The following DVL3 variants were observed in gnomAD, a reference collection of about 807,000 sequenced individuals.
The protein encoded by DVL3 is dishevelled segment polarity protein 3.
A neutral mutation model predicts 67.4 loss-of-function variants in DVL3; 27 were observed. That is an observed-to-expected ratio of 0.40 (90% CI 0.30 to 0.55). DVL3 has a LOEUF of 0.55. Ranked by LOEUF, DVL3 falls within the 20% of genes least tolerant of loss-of-function variation. The pLI, the probability that DVL3 is intolerant of heterozygous loss-of-function variation, is 0.46. For synonymous variants in DVL3, 369 were observed against 396.8 expected (o/e 0.93, Z 0.83); for missense variants, 819 against 1,021.5 (o/e 0.80, Z 2.70).
At chr3:184,161,684 T>C (rs1429544612) in intron 1 of DVL3, among the ~76,000 whole-genome samples, 1 of 152,176 alleles carries the variant, frequency 6.6e-6, no homozygotes, top group Non-Finnish European at 1.5e-5. Flanking sequence ...CGTGACCACA[T>C]TCCACACCCT....
In DVL3 at chr3:184,170,006, A is replaced by T; in HGVS notation, c.1499A>T (p.Asn500Ile). 6.2e-7 allele frequency: 1 copy of T among 1,601,420 alleles called. No individual in the cohort carries two copies. The highest frequency in any genetic ancestry group is 8.5e-7 in the Non-Finnish European group (1 of 1,171,492). ...CYYIFGDLCG[N>I]MANLSLHDHD... ...CTCCATCCGGCCCTCCCCTTCACAG[A>T]CATGGCCAACCTGTCTCTCCACGAT... is the stretch of plus-strand genomic sequence containing the variant. Residue 500 changes from asparagine to isoleucine, a missense_variant and splice_region_variant, in exon 14 of 15, where the codon AAC becomes ATC. By Grantham distance (149) the Asn-to-Ile change is moderately radical. Coordinates refer to ENST00000313143, the MANE Select transcript of DVL3 (RefSeq NM_004423.4). The surrounding 1 kb of genome is among the most constrained non-coding windows in gnomAD (Gnocchi z 6.5).
At chr3:184,160,535 A>AGTGTGTGT (rs34412853) in intron 1 of DVL3, among the ~76,000 whole-genome samples, 2 of 150,454 alleles carry the variant, frequency 1.3e-5, no homozygotes, top group East Asian at 3.9e-4. Context: ...TTGGGGTATG[A>AGTGTGTGT]GTGTGTGTGT....
At chr3:184,168,791 G>A (rs535847001) in intron 13 of DVL3, among the ~76,000 whole-genome samples, 7 of 152,344 alleles carry the variant, frequency 4.6e-5, no homozygotes, top group African/African-American at 1.7e-4. Flanking sequence ...GGTGTCCCAG[G>A]CAGGTATTCA....
chr3:184,170,679 C>T lies in DVL3; in HGVS notation c.2075C>T (p.Pro692Leu), dbSNP rs201792550. The T allele has an allele frequency of 7.1e-5, 115 of 1,613,438 alleles. 2 individuals carry two copies. Among genetic ancestry groups the T allele is most frequent in the Non-Finnish European group, 5.8e-5 (68 of 1,179,798 alleles). The change falls in exon 15 of 15, where the codon CCG becomes CTG. Residue 692 changes from proline (P) to leucine (L), a missense_variant. Pro to Leu is a moderately conservative substitution (Grantham distance 98). Coordinates refer to ENST00000313143, the MANE Select transcript of DVL3 (RefSeq NM_004423.4). The surrounding 1 kb of genome is among the most constrained non-coding windows in gnomAD (Gnocchi z 6.5). ...PPGRDLASVP[P>L]ELTASRQSFR... ...GGCCGCGACCTGGCCTCAGTGCCCC[C>T]GGAACTGACCGCCAGCAGACAGTCC...
Position 184,171,629 on chromosome 3 carries a change from G to A in DVL3, c.*874G>A. 2 of 983,114 alleles carry A rather than the reference G, an allele frequency of 2.0e-6. No individual in the cohort carries two copies. The highest frequency in any genetic ancestry group is 2.4e-6 in the Non-Finnish European group (2 of 827,370). 60.9% of individuals were successfully genotyped at this position (983,114 alleles called of 1,614,324 possible). On this transcript the variant is annotated 3_prime_UTR_variant, in exon 15 of 15. Transcript: ENST00000313143. ...CAGCGAGGGGAGGCCCAGCCTCCGA[G>A]GAGACCAGGAACCCTGCTTCAGCAG...
rs769522356 is a variant in DVL3, at chr3:184,166,854, G to A, written c.1077G>A (p.Ala359=). The change falls in exon 11 of 15, where the codon GCG becomes GCA. Residue 359 remains alanine, a synonymous_variant. Coordinates refer to ENST00000313143, the MANE Select transcript of DVL3 (RefSeq NM_004423.4). This position sits in a 1 kb window ranked among gnomAD's most constrained non-coding sequence, Gnocchi z 6.7. ...RSEPIRPIDP[A]AWVSHTAAMT... Reference sequence around the variant, plus strand: ...AGCCCATCCGGCCCATTGACCCTGCGGCCTGGGTCTCCCACACTGCAGCCA... The same window carrying A: ...AGCCCATCCGGCCCATTGACCCTGCAGCCTGGGTCTCCCACACTGCAGCCA... 13 of 1,613,908 alleles carry A rather than the reference G, an allele frequency of 8.1e-6. No individual in the cohort carries two copies. The highest frequency in any genetic ancestry group is 2.2e-5 in the East Asian group (1 of 44,902).
intron 13 of DVL3, among the ~76,000 whole-genome samples, chr3:184,169,185 C>T (rs1428053922): frequency 6.6e-6 from 1 of 152,190 alleles, no homozygotes; most frequent in African/African-American, 2.4e-5. Flanking sequence ...CCAAACTGCT[C>T]CTTGTCCTAA....
chr3:184,156,888 A>T (rs1714214694), intron 1 of DVL3: 1 of 171,550 alleles, frequency 5.8e-6, no homozygotes. Context: ...TGCTCTTTGG[A>T]GCTGAGGCCC....
Position 184,155,649 on chromosome 3 carries a change from A to G in DVL3, c.14A>G (p.Lys5Arg), listed in dbSNP as rs533610411. 1.3e-6 allele frequency: 2 copies of G among 1,596,324 alleles called. No homozygotes were observed. Among genetic ancestry groups the G allele is most frequent in the South Asian group, 1.1e-5 (1 of 89,984 alleles). The part of the protein sequence containing the change: MGET[K>R]IIYHLDGQET... ...GAGGCCAGAGCCATGGGCGAGACCAAGATCATCTACCACTTGGATGGGCAG... is the reference window on the plus strand; with the variant it reads ...GAGGCCAGAGCCATGGGCGAGACCAGGATCATCTACCACTTGGATGGGCAG... The change falls in exon 1 of 15, where the codon AAG becomes AGG. Residue 5 changes from lysine (K) to arginine (R), a missense_variant. Lys to Arg is a conservative substitution (Grantham distance 26). Around this residue, in one of 3 missense-constraint regions of DVL3, gnomAD observed 385 missense variants for 486.8 expected, o/e 0.79. Transcript: ENST00000313143. This position sits in a 1 kb window ranked among gnomAD's most constrained non-coding sequence, Gnocchi z 5.4.
chr3:184,171,015 T>G lies in DVL3; in HGVS notation c.*260T>G. The stretch of plus-strand genomic sequence containing the variant: ...GCGCAGGACTTCCCAGGACCCCTTT[T>G]GTCTCTGGGACCAGACTTGTTGGTG... On this transcript the variant is annotated 3_prime_UTR_variant, in exon 15 of 15. Transcript: ENST00000313143. The G allele has an allele frequency of 2.1e-6, 3 of 1,416,734 alleles. No homozygotes were observed. The highest frequency in any genetic ancestry group is 2.8e-6 in the Non-Finnish European group (3 of 1,075,618). 87.8% of individuals were successfully genotyped at this position (1,416,734 alleles called of 1,614,324 possible). A position where few individuals can be genotyped will look rare whatever the true frequency, so the allele number is the denominator to read the frequency against.
In DVL3 at chr3:184,155,824, G is replaced by T; in HGVS notation, c.161+28G>T. On this transcript the variant is annotated intron_variant, in intron 1 of 14. Transcript: ENST00000313143. This position sits in a 1 kb window ranked among gnomAD's most constrained non-coding sequence, Gnocchi z 5.4. ...GAGGATGGCCCCCGCCCCGCCTCCG[G>T]GAGCCCCGGCCGCTCTGGCTTCTAA... The T allele has an allele frequency of 6.3e-7, 1 of 1,584,514 alleles. No homozygotes were observed.
Position 184,168,203 on chromosome 3 carries a change from A to G in DVL3, c.1498+138A>G, listed in dbSNP as rs1336948999. On this transcript the variant is annotated intron_variant, in intron 13 of 14. Transcript: ENST00000313143. ...GCCCAATTCAAGGCCTGAGAGTTCT[A>G]TGGTGGAAGAAGAGTCCAGTTTAGC... 1.4e-5 allele frequency: 14 copies of G among 1,005,900 alleles called. No individual in the cohort carries two copies. The South Asian group carries it at 1.6e-4, about 11-fold the overall frequency. 62.3% of individuals were successfully genotyped at this position (1,005,900 alleles called of 1,614,324 possible).
rs200551245 is a variant in DVL3 at position 184,164,436 on chromosome 3, G to C, written c.353+48G>C. The C allele has an allele frequency of 1.6e-5, 25 of 1,602,938 alleles. No individual in the cohort carries two copies. Among genetic ancestry groups the C allele is most frequent in the Admixed American group, 5.2e-5 (3 of 57,844 alleles). On this transcript the variant is annotated intron_variant, in intron 3 of 14. Coordinates refer to ENST00000313143, the MANE Select transcript of DVL3 (RefSeq NM_004423.4). The surrounding 1 kb of genome is among the most constrained non-coding windows in gnomAD (Gnocchi z 5.3). ...GAGGGCCGCATCAGTTCAGCCCAGGGCTGGGGGAGGGAGCCCCCAGCCTGC... is the reference window on the plus strand; with the variant it reads ...GAGGGCCGCATCAGTTCAGCCCAGGCCTGGGGGAGGGAGCCCCCAGCCTGC...
Position 184,167,972 on chromosome 3 carries a change from A to G in DVL3, c.1405A>G (p.Ser469Gly). ...CCGGAGGGAGGCCCGCAAGTATGCC[A>G]GCAACCTGCTGAAAGCTGGCTTCAT... ...TDRREARKYA[S>G]NLLKAGFIRH... Residue 469 changes from serine to glycine, a missense_variant, in exon 13 of 15, where the codon AGC becomes GGC. Ser to Gly is a moderately conservative substitution (Grantham distance 56). Coordinates refer to ENST00000313143, the MANE Select transcript of DVL3 (RefSeq NM_004423.4). This position sits in a 1 kb window ranked among gnomAD's most constrained non-coding sequence, Gnocchi z 4.6. 6.2e-7 allele frequency: 1 copy of G among 1,614,270 alleles called. No homozygotes were observed. Among genetic ancestry groups the G allele is most frequent in the Non-Finnish European group, 8.5e-7 (1 of 1,180,038 alleles).
chr3:184,155,515 G>T lies in DVL3; in HGVS notation c.-121G>T. ...GCCGGAGAACAAGGGAGCTGGCGCC[G>T]CCAGCAGCCGCCGAGCTGGGTTGAG... On this transcript the variant is annotated 5_prime_UTR_variant, in exon 1 of 15. Coordinates refer to ENST00000313143, the MANE Select transcript of DVL3 (RefSeq NM_004423.4). The surrounding 1 kb of genome is among the most constrained non-coding windows in gnomAD (Gnocchi z 5.4). The T allele has an allele frequency of 1.8e-6, 1 of 546,300 alleles. No homozygotes were observed. The allele number at this position is 546,300 out of a possible 1,614,324, so 33.8% of individuals were successfully genotyped here. A position where few individuals can be genotyped will look rare whatever the true frequency, so the allele number is the denominator to read the frequency against.
chr3:184,163,907 TGGGAAGG>T lies in DVL3; in HGVS notation c.231+188_231+194del, dbSNP rs1024592706. Reference sequence around the variant, plus strand: ...CCTTTGATGAAAAGTGAGAAATTAGTGGGAAGGGGGAAGAGGGAGAGACGGAAACACA... The same window carrying T: ...CCTTTGATGAAAAGTGAGAAATTAGTGGGAAGAGGGAGAGACGGAAACACA... On this transcript the variant is annotated intron_variant, in intron 2 of 14. Coordinates refer to ENST00000313143, the MANE Select transcript of DVL3 (RefSeq NM_004423.4). This position sits in a 1 kb window ranked among gnomAD's most constrained non-coding sequence, Gnocchi z 4.5. 2.0e-5 allele frequency among the ~76,000 whole-genome samples: 3 copies of T among 152,112 alleles called. No homozygotes were observed. Among genetic ancestry groups the T allele is most frequent in the Admixed American group, 6.6e-5 (1 of 15,260 alleles).
rs1415839670 is a variant in DVL3 at position 184,163,377 on chromosome 3, G to C, written c.162-280G>C. Among the ~76,000 whole-genome samples, 1 of 152,154 alleles carries C rather than the reference G, an allele frequency of 6.6e-6. No individual in the cohort carries two copies. Among genetic ancestry groups the C allele is most frequent in the Non-Finnish European group, 1.5e-5 (1 of 68,036 alleles). On this transcript the variant is annotated intron_variant, in intron 1 of 14. Coordinates refer to ENST00000313143, the MANE Select transcript of DVL3 (RefSeq NM_004423.4). This position sits in a 1 kb window ranked among gnomAD's most constrained non-coding sequence, Gnocchi z 4.5. Reference sequence around the variant, plus strand: ...GGGTAGAGCACTTTAGAGATTTTAGGGAGTGGCATGGGGGACAGTGATGTG... The same window carrying C: ...GGGTAGAGCACTTTAGAGATTTTAGCGAGTGGCATGGGGGACAGTGATGTG...
intron 1 of DVL3, among the ~76,000 whole-genome samples, chr3:184,161,121 A>C (rs924100963): frequency 1.3e-5 from 2 of 152,224 alleles, no homozygotes; most frequent in Non-Finnish European, 2.9e-5. Flanking sequence ...AGCTCTGGGC[A>C]GAAGCTGCTC....
In DVL3 at chr3:184,165,419, C is replaced by T. The variant is rs202033633; in HGVS notation, c.694-3C>T. The T allele has an allele frequency of 2.0e-5, 32 of 1,613,954 alleles. No homozygotes were observed. In the African/African-American group the frequency reaches 3.6e-4, roughly 18 times the overall value. ...TGCTGCTCAGGGCCTCTGTCTATTC[C>T]AGTCCTCGTCCTTCAGCAGCATCAC... On this transcript the variant is annotated splice_region_variant and splice_polypyrimidine_tract_variant and intron_variant, in intron 6 of 14. Transcript: ENST00000313143. The surrounding 1 kb of genome is among the most constrained non-coding windows in gnomAD (Gnocchi z 4.1).
Sources: gnomAD v4.1 joint callset for allele counts (sites outside exome capture counted in the v4.1 genomes callset) on GRCh38, gnomAD v4.1.1 for gene constraint, gnomAD v4.1.1 regional missense constraint, Gnocchi (gnomAD v3.1) non-coding constraint, MANE v1.5 for transcripts, NCBI Gene and HGNC (gene_info 2026-07-23, HGNC 2026-07-21) for gene names.